Variants in ST8SIA5 observed in about 807,000 individuals in gnomAD.
The protein encoded by ST8SIA5 is ST8 alpha-N-acetyl-neuraminide alpha-2,8-sialyltransferase 5, also known as alpha-2,8-sialyltransferase 8E.
ST8SIA5 carries 24 observed loss-of-function variants against 40.2 expected under a neutral mutation model. The observed-to-expected ratio is 0.60, with a 90% CI of 0.43 to 0.84. ST8SIA5 has a LOEUF of 0.84. ST8SIA5 is among the 40% of genes least tolerant of loss of function. The probability of loss-of-function intolerance (pLI) is 0.00; values close to 1 mark genes in which losing one functional copy is unlikely to be tolerated. For missense variants in ST8SIA5, 465 were observed against 498.5 expected (o/e 0.93, Z 0.64); for synonymous variants, 198 against 201.8 (o/e 0.98, Z 0.16).
intron 1 of ST8SIA5, among the ~76,000 whole-genome samples, chr18:46,723,634 A>G (rs1348949233): frequency 2.0e-5 from 3 of 151,046 alleles, no homozygotes; most frequent in Non-Finnish European, 4.4e-5. Flanking sequence ...GACAAATGAA[A>G]AAAGCAGAAG....
intron 1 of ST8SIA5, among the ~76,000 whole-genome samples, chr18:46,717,676 T>A (rs2039806552): frequency 6.6e-6 from 1 of 152,178 alleles, no homozygotes. Context: ...TGAATGAGTT[T>A]CTGATTCTAA....
chr18:46,725,521 C>T (rs976648437), intron 1 of ST8SIA5, among the ~76,000 whole-genome samples: 7 of 149,754 alleles, frequency 4.7e-5, no homozygotes, highest in Non-Finnish European at 1.0e-4. Context: ...GCAAGACACT[C>T]ATTATTAAAT....
chr18:46,741,583 T>C (rs879606180), intron 1 of ST8SIA5, among the ~76,000 whole-genome samples: 7 of 152,106 alleles, frequency 4.6e-5, no homozygotes, highest in Non-Finnish European at 8.8e-5. Flanking sequence ...GAAAATTACA[T>C]CCAATAGCAT....
At chr18:46,685,785 G>A (rs2039440104) in intron 5 of ST8SIA5, 2 of 213,446 alleles carry the variant, frequency 9.4e-6, no homozygotes, top group Admixed American at 9.9e-5. Context: ...GTTAAAGCCA[G>A]GGTGAAGCCA....
intron 5 of ST8SIA5, among the ~76,000 whole-genome samples, chr18:46,685,443 C>T (rs530402730): frequency 2.2e-4 from 34 of 152,280 alleles, no homozygotes; most frequent in African/African-American, 6.7e-4. Flanking sequence ...CAGCAGGTGA[C>T]GCAGGGTGTC....
At chr18:46,725,540 T>TG (rs35159962) in intron 1 of ST8SIA5, among the ~76,000 whole-genome samples, 67 of 151,158 alleles carry the variant, frequency 4.4e-4, no homozygotes, top group Middle Eastern at 3.4e-3. Context: ...ATGGCACGGG[T>TG]GGGGGGGGAA....
At chr18:46,689,888 C>A (rs2039487533) in intron 3 of ST8SIA5, among the ~76,000 whole-genome samples, 1 of 150,332 alleles carries the variant, frequency 6.7e-6, no homozygotes, top group Admixed American at 6.6e-5. Flanking sequence ...CATGCCTGGC[C>A]TATAATGTTT....
At chr18:46,725,972 A>ATATATAT (rs1555696956) in intron 1 of ST8SIA5, among the ~76,000 whole-genome samples, 46 of 28,978 alleles carry the variant, frequency 1.6e-3, no homozygotes, top group South Asian at 2.8e-3. Flanking sequence ...AAAAAAAAAA[A>ATATATAT]ATATATATAT....
At chr18:46,735,719 C>T (rs2040027416) in intron 1 of ST8SIA5, among the ~76,000 whole-genome samples, 1 of 152,120 alleles carries the variant, frequency 6.6e-6, no homozygotes. Flanking sequence ...TCCAAGCAAT[C>T]CTCCCACCTC....
intron 1 of ST8SIA5, among the ~76,000 whole-genome samples, chr18:46,705,671 C>G (rs1414026942): frequency 6.6e-6 from 1 of 152,236 alleles, no homozygotes; most frequent in Non-Finnish European, 1.5e-5. Flanking sequence ...CTCCTCACAG[C>G]CCCCCTCCTC....
rs1406260965 is a variant in ST8SIA5, at chr18:46,744,326, T to C, written c.131+12052A>G. ...TGCTGTATTCAGGAGACCCATCTCA[T>C]GTGCAGAGACATACATAGGCTCAAA... On this transcript the variant is annotated intron_variant, in intron 1 of 6. Coordinates refer to ENST00000315087, the MANE Select transcript of ST8SIA5 (RefSeq NM_013305.6). 2.0e-5 allele frequency among the ~76,000 whole-genome samples: 3 copies of C among 152,172 alleles called. No individual in the cohort carries two copies. In the East Asian group the frequency reaches 5.8e-4, roughly 29 times the overall value.
intron 2 of ST8SIA5, among the ~76,000 whole-genome samples, chr18:46,694,738 C>T (rs1250271363): frequency 2.6e-5 from 4 of 152,026 alleles, no homozygotes; most frequent in Admixed American, 6.5e-5. Context: ...CTGTACCCCC[C>T]GATTTTGTTA....
chr18:46,684,114 C>T (rs1217817037), intron 5 of ST8SIA5, among the ~76,000 whole-genome samples: 1 of 152,180 alleles, frequency 6.6e-6, no homozygotes, highest in African/African-American at 2.4e-5. Flanking sequence ...GAAGGGCCCA[C>T]AGCATCTCCA....
rs564209881 is a variant in ST8SIA5 at position 46,729,919 on chromosome 18, C to T, written c.132-25255G>A. On this transcript the variant is annotated intron_variant, in intron 1 of 6. Transcript: ENST00000315087. ...GTGAGAGGACAGAAAATGCAGTGAA[C>T]TGGAGGAGGCCAGGCCAGGGTTCTA... 8.5e-5 allele frequency among the ~76,000 whole-genome samples: 13 copies of T among 152,086 alleles called. No homozygotes were observed. In the South Asian group the frequency reaches 2.7e-3, roughly 32 times the overall value.
chr18:46,755,177 A>G (rs1256629080), intron 1 of ST8SIA5, among the ~76,000 whole-genome samples: 2 of 152,290 alleles, frequency 1.3e-5, no homozygotes, highest in Non-Finnish European at 2.9e-5. Context: ...AAACAGCCTA[A>G]GTGCTCGGCT....
In ST8SIA5 at chr18:46,669,239, T is replaced by C; in HGVS notation, c.*10803A>G. On this transcript the variant is annotated 3_prime_UTR_variant, in exon 7 of 7. Coordinates refer to ENST00000315087, the MANE Select transcript of ST8SIA5 (RefSeq NM_013305.6). Reference sequence around the variant, plus strand: ...CTTCAGAGGGGAGAAAAAGGTGCCCTAGAGGGCTAGAGCGGGACACTGGCC... The same window carrying C: ...CTTCAGAGGGGAGAAAAAGGTGCCCCAGAGGGCTAGAGCGGGACACTGGCC... 1 of 152,430 alleles carries C rather than the reference T, an allele frequency of 6.6e-6. No homozygotes were observed. The highest frequency in any genetic ancestry group is 1.5e-5 in the Non-Finnish European group (1 of 68,158). The allele number at this position is 152,430 out of a possible 1,614,324, so 9.4% of individuals were successfully genotyped here. A position where few individuals can be genotyped will look rare whatever the true frequency, so the allele number is the denominator to read the frequency against.
intron 2 of ST8SIA5, among the ~76,000 whole-genome samples, chr18:46,700,999 T>C (rs939470411): frequency 2.6e-5 from 4 of 152,118 alleles, no homozygotes; most frequent in Non-Finnish European, 4.4e-5. Context: ...GGCCCTGGGT[T>C]ATTTCTAATC....
intron 1 of ST8SIA5, among the ~76,000 whole-genome samples, chr18:46,719,421 A>G (rs2039828677): frequency 6.6e-6 from 1 of 152,166 alleles, no homozygotes; most frequent in Non-Finnish European, 1.5e-5. Flanking sequence ...GAAAGGAAGG[A>G]TGGACAAAAA....
At chr18:46,732,868 G>C (rs1369363512) in intron 1 of ST8SIA5, among the ~76,000 whole-genome samples, 8 of 132,384 alleles carry the variant, frequency 6.0e-5, no homozygotes, top group Non-Finnish European at 1.6e-5. Context: ...GGGAGGTGGG[G>C]GGCCAGTGCC....
Sources: gnomAD v4.1 joint callset for allele counts (sites outside exome capture counted in the v4.1 genomes callset) on GRCh38, gnomAD v4.1.1 for gene constraint, MANE v1.5 for transcripts, NCBI Gene and HGNC (gene_info 2026-07-23, HGNC 2026-07-21) for gene names.